The following STK33 variants were observed in gnomAD, a reference collection of about 807,000 sequenced individuals.
STK33 encodes the protein serine/threonine kinase 33, also known as serine/threonine-protein kinase 33.
STK33 carries 52 observed loss-of-function variants against 58.0 expected under a neutral mutation model. The ratio of observed to expected loss-of-function variants is 0.90; its 90% confidence interval spans 0.72 to 1.13. The LOEUF is 1.13. Among genes scored for constraint, STK33 ranks in the 50% most tolerant of loss-of-function variants. STK33 has a pLI of 0.00. For missense variants in STK33, 630 were observed against 604.2 expected (o/e 1.04, Z -0.45); for synonymous variants, 215 against 200.1 (o/e 1.07, Z -0.63).
chr11:8,486,920 T>G lies in STK33; in HGVS notation c.-465-6306A>C, dbSNP rs79619046. Reference sequence around the variant, plus strand: ...TGACCTGATGAGGGAAAGAGAAAAGTCAATACATTGAAAACTGAGATAGAT... The same window carrying G: ...TGACCTGATGAGGGAAAGAGAAAAGGCAATACATTGAAAACTGAGATAGAT... On this transcript the variant is annotated intron_variant, in intron 1 of 15. Coordinates refer to ENST00000687296, the MANE Select transcript of STK33 (RefSeq NM_001352389.2). Among the ~76,000 whole-genome samples the G allele has an allele frequency of 4.2e-4, 64 of 152,068 alleles. No individual in the cohort carries two copies. The East Asian group carries it at 0.012, about 29-fold the overall frequency.
chr11:8,340,357 G>A, the STK33 span, among the ~76,000 whole-genome samples: 2 of 152,126 alleles, frequency 1.3e-5, no homozygotes, highest in African/African-American at 2.4e-5. Flanking sequence ...AGGGACCTTT[G>A]GTTTTGTTCA....
the STK33 span, among the ~76,000 whole-genome samples, chr11:8,352,630 ATTGT>A: frequency 3.3e-4 from 50 of 152,340 alleles, no homozygotes; most frequent in East Asian, 3.3e-3. Flanking sequence ...CAAGTCTCTG[ATTGT>A]TTGTGCGCTT....
chr11:8,500,028 C>T (rs904761485), intron 1 of STK33, among the ~76,000 whole-genome samples: 7 of 151,888 alleles, frequency 4.6e-5, no homozygotes, highest in Non-Finnish European at 1.0e-4. Flanking sequence ...ATGTAACAAA[C>T]CTACACGTTC....
intron 1 of STK33, among the ~76,000 whole-genome samples, chr11:8,588,921 C>A (rs1053344747): frequency 2.0e-5 from 3 of 152,032 alleles, no homozygotes; most frequent in Admixed American, 6.6e-5. Context: ...ATGAAAAGAT[C>A]CTAACACCAT....
chr11:8,489,564 C>T (rs1950450220), intron 1 of STK33, among the ~76,000 whole-genome samples: 2 of 152,036 alleles, frequency 1.3e-5, no homozygotes, highest in South Asian at 4.1e-4. Flanking sequence ...GAAACCAGGC[C>T]AAACTCATCA....
the STK33 span, among the ~76,000 whole-genome samples, chr11:8,351,613 G>A: frequency 2.8e-3 from 426 of 152,296 alleles, 6 homozygotes; most frequent in African/African-American, 9.7e-3. Flanking sequence ...TCCATCTCTC[G>A]ACACCATTTG....
At chr11:8,438,076 T>G (rs961175372) in intron 12 of STK33, among the ~76,000 whole-genome samples, 2 of 152,240 alleles carry the variant, frequency 1.3e-5, no homozygotes. Flanking sequence ...ACCAGTGATA[T>G]GCACATCCAC....
chr11:8,586,470 T>G (rs2031653453), intron 1 of STK33, among the ~76,000 whole-genome samples: 2 of 152,032 alleles, frequency 1.3e-5, no homozygotes, highest in South Asian at 4.1e-4. Flanking sequence ...AGTGCTCTCC[T>G]CCATCTCCCT....
chr11:8,447,358 T>C (rs1420410330), intron 11 of STK33, among the ~76,000 whole-genome samples: 5 of 152,046 alleles, frequency 3.3e-5, no homozygotes, highest in Admixed American at 1.3e-4. Context: ...GACCAATATC[T>C]CTCATGAACA....
At chr11:8,530,034 G>C (rs192314734) in intron 1 of STK33, among the ~76,000 whole-genome samples, 1 of 152,128 alleles carries the variant, frequency 6.6e-6, no homozygotes, top group Non-Finnish European at 1.5e-5. Flanking sequence ...GAGCTGGTGC[G>C]AGAGGGGGCG....
chr11:8,368,619 C>T, the STK33 span, among the ~76,000 whole-genome samples: 1 of 152,346 alleles, frequency 6.6e-6, no homozygotes, highest in Admixed American at 6.5e-5. Flanking sequence ...TTTCTGGATC[C>T]ATCTCTAATT....
At chr11:8,339,221 G>A in the STK33 span, among the ~76,000 whole-genome samples, 97 of 152,280 alleles carry the variant, frequency 6.4e-4, no homozygotes, top group Admixed American at 2.0e-3. Flanking sequence ...ATTAATGCAC[G>A]CCTCCGAGTG....
the STK33 span, among the ~76,000 whole-genome samples, chr11:8,353,290 G>A: frequency 6.6e-6 from 1 of 152,230 alleles, no homozygotes; most frequent in Non-Finnish European, 1.5e-5. Flanking sequence ...GCCACACCCA[G>A]TCAATAGCTT....
chr11:8,491,739 C>A (rs903763846), intron 1 of STK33, among the ~76,000 whole-genome samples: 7 of 152,180 alleles, frequency 4.6e-5, no homozygotes, highest in African/African-American at 1.7e-4. Context: ...AGACTAACAG[C>A]AGATCTCTCA....
chr11:8,452,787 C>G, intron 11 of STK33, 35 bp downstream of exon 11: 1 of 1,593,534 alleles, frequency 6.3e-7, no homozygotes, highest in Non-Finnish European at 8.6e-7. Context: ...GATCCTGTCT[C>G]AAAACAAAAA....
intron 10 of STK33, among the ~76,000 whole-genome samples, chr11:8,453,516 CACA>C (rs1337261722): frequency 2.0e-5 from 3 of 152,096 alleles, no homozygotes; most frequent in East Asian, 1.9e-4. Flanking sequence ...GGAAAAAAAC[CACA>C]ACAACAAGTA....
intron 1 of STK33, among the ~76,000 whole-genome samples, chr11:8,528,308 T>A (rs1246187111): frequency 6.6e-6 from 1 of 152,216 alleles, no homozygotes; most frequent in African/African-American, 2.4e-5. Context: ...ACAATTGTCC[T>A]TCACCATTAT....
chr11:8,434,531 C>T (rs1304075125), intron 14 of STK33, among the ~76,000 whole-genome samples: 1 of 152,154 alleles, frequency 6.6e-6, no homozygotes, highest in Admixed American at 6.5e-5. Flanking sequence ...TCCAGCTGCA[C>T]ACTATATCGT....
chr11:8,342,469 A>G, the STK33 span, among the ~76,000 whole-genome samples: 7 of 152,160 alleles, frequency 4.6e-5, no homozygotes, highest in Non-Finnish European at 7.3e-5. Context: ...TTCCTTGGTG[A>G]TTGTTTTAAG....
Sources: gnomAD v4.1 joint callset for allele counts (sites outside exome capture counted in the v4.1 genomes callset) on GRCh38, gnomAD v4.1.1 for gene constraint, MANE v1.5 for transcripts, NCBI Gene and HGNC (gene_info 2026-07-23, HGNC 2026-07-21) for gene names.